Variants in ZNF423 observed in about 807,000 individuals in gnomAD.
The protein encoded by ZNF423 is zinc finger protein 423, also known as Ebf-associated zinc finger protein.
In ZNF423, 12 loss-of-function variants were observed where a neutral mutation model predicts 95.8. The ratio of observed to expected loss-of-function variants is 0.13; its 90% CI spans 0.08 to 0.20. The LOEUF is 0.20. Ranked by LOEUF, ZNF423 falls within the 10% of genes least tolerant of loss-of-function variation. ZNF423 has a pLI of 1.00. For synonymous variants in ZNF423, 749 were observed against 711.9 expected (o/e 1.05, Z -0.83); for missense variants, 1,316 against 1,737.1 (o/e 0.76, Z 4.31).
At chr16:49,749,007 C>T (rs1364293343) in intron 2 of ZNF423, among the ~76,000 whole-genome samples, 3 of 152,148 alleles carry the variant, frequency 2.0e-5, no homozygotes, top group African/African-American at 7.2e-5. Flanking sequence ...ATGGACAATG[C>T]GGTTTCTATG....
intron 4 of ZNF423, among the ~76,000 whole-genome samples, chr16:49,629,364 C>T (rs1017167939): frequency 3.9e-5 from 6 of 152,100 alleles, no homozygotes; most frequent in African/African-American, 1.4e-4. Context: ...GATTTTAAAT[C>T]CTACCATCTT....
rs557743589 is a variant in ZNF423 at position 49,489,977 on chromosome 16, C to A, written c.*1298G>T. Reference sequence around the variant, plus strand: ...AGAGGACACCCATTCCCAGCACTTGCAGGTGTAGGGGGGCCCTGAGAGCGA... The same window carrying A: ...AGAGGACACCCATTCCCAGCACTTGAAGGTGTAGGGGGGCCCTGAGAGCGA... On this transcript the variant is annotated 3_prime_UTR_variant, in exon 8 of 8. Coordinates refer to ENST00000563137, the MANE Select transcript of ZNF423 (RefSeq NM_001379286.1). The A allele has an allele frequency of 2.2e-4, 34 of 152,306 alleles. No homozygotes were observed. Among genetic ancestry groups the A allele is most frequent in the African/African-American group, 6.7e-4 (28 of 41,514 alleles). 9.4% of individuals were successfully genotyped at this position (152,306 alleles called of 1,614,324 possible). A position where few individuals can be genotyped will look rare whatever the true frequency, so the allele number is the denominator to read the frequency against.
At chr16:49,712,426 T>C (rs556590114) in intron 3 of ZNF423, among the ~76,000 whole-genome samples, 259 of 152,296 alleles carry the variant, frequency 1.7e-3, no homozygotes, top group Non-Finnish European at 2.7e-3. Flanking sequence ...AGAAAGAGAA[T>C]TTGATTTCGG....
intron 4 of ZNF423, among the ~76,000 whole-genome samples, chr16:49,628,199 C>G (rs549710613): frequency 6.6e-6 from 1 of 150,462 alleles, no homozygotes; most frequent in Non-Finnish European, 1.5e-5. Context: ...TCCATCCATC[C>G]TTCATCTACC....
intron 1 of ZNF423, among the ~76,000 whole-genome samples, chr16:49,812,972 T>C (rs1372530938): frequency 1.3e-5 from 2 of 152,106 alleles, no homozygotes; most frequent in Non-Finnish European, 1.5e-5. Context: ...AATTCGTGTG[T>C]TTAAAAGTGT....
At chr16:49,582,327 G>A (rs147968416) in intron 5 of ZNF423, among the ~76,000 whole-genome samples, 48 of 152,302 alleles carry the variant, frequency 3.2e-4, no homozygotes, top group African/African-American at 9.9e-4. Context: ...TTCAAAACCT[G>A]TTATAAAATG....
At chr16:49,851,526 T>G (rs1008999675) in intron 1 of ZNF423, among the ~76,000 whole-genome samples, 5 of 152,230 alleles carry the variant, frequency 3.3e-5, no homozygotes, top group Non-Finnish European at 2.9e-5. Flanking sequence ...CGTCTCCAGC[T>G]AGGAACGCTG....
At chr16:49,783,055 G>T (rs908374976) in intron 2 of ZNF423, among the ~76,000 whole-genome samples, 4 of 152,044 alleles carry the variant, frequency 2.6e-5, no homozygotes, top group Non-Finnish European at 4.4e-5. Context: ...TGGTCGTGTT[G>T]GTTCCCTGAA....
chr16:49,511,223 C>T (rs2151681176), intron 7 of ZNF423, among the ~76,000 whole-genome samples: 1 of 152,362 alleles, frequency 6.6e-6, no homozygotes, highest in South Asian at 2.1e-4. Context: ...TCACCCAGGG[C>T]TGTCCAGACC....
chr16:49,800,170 G>T lies in ZNF423; in HGVS notation c.41-10624C>A, dbSNP rs114240575. On this transcript the variant is annotated intron_variant, in intron 1 of 7. Transcript: ENST00000563137. ...GAGATATGAGATGCACTTGACCCTGGGAGGCAGGGGTTGCAGTGAGCAGAG... is the reference window on the plus strand; with the variant it reads ...GAGATATGAGATGCACTTGACCCTGTGAGGCAGGGGTTGCAGTGAGCAGAG... Among the ~76,000 whole-genome samples, 380 of 152,132 alleles carry T rather than the reference G, an allele frequency of 2.5e-3. 3 individuals are homozygous for T. Among genetic ancestry groups the T allele is most frequent in the African/African-American group, 8.1e-3 (335 of 41,484 alleles).
chr16:49,700,783 G>A lies in ZNF423; in HGVS notation c.301+29988C>T, dbSNP rs549660089. ...CCCCTCCTTGGGCCCCCTCTGCTGG[G>A]CCCACGGGACCACAGATGGTTGAAC... On this transcript the variant is annotated intron_variant, in intron 3 of 7. Transcript: ENST00000563137. 1.6e-4 allele frequency among the ~76,000 whole-genome samples: 24 copies of A among 152,280 alleles called. 1 individual carries two copies. Among genetic ancestry groups the A allele is most frequent in the African/African-American group, 5.8e-4 (24 of 41,576 alleles).
chr16:49,831,448 C>T (rs1236951692), intron 1 of ZNF423, among the ~76,000 whole-genome samples: 1 of 152,142 alleles, frequency 6.6e-6, no homozygotes, highest in Non-Finnish European at 1.5e-5. Context: ...TTTGTGACCT[C>T]GGGCAGCTGT....
chr16:49,547,866 C>T (rs1319479368), intron 5 of ZNF423, among the ~76,000 whole-genome samples: 1 of 152,166 alleles, frequency 6.6e-6, no homozygotes, highest in Non-Finnish European at 1.5e-5. Context: ...TTTTTTCACC[C>T]CACACAGAAT....
chr16:49,590,215 C>A (rs750699198), intron 5 of ZNF423, among the ~76,000 whole-genome samples: 1 of 151,776 alleles, frequency 6.6e-6, no homozygotes, highest in Admixed American at 6.6e-5. Context: ...TAACCTAATT[C>A]TCCTCCAACC....
intron 2 of ZNF423, among the ~76,000 whole-genome samples, chr16:49,739,643 A>G (rs1301954838): frequency 6.8e-6 from 1 of 147,802 alleles, no homozygotes; most frequent in Admixed American, 6.7e-5. Flanking sequence ...GATACCTACC[A>G]TTTCCAAAGT....
intron 5 of ZNF423, among the ~76,000 whole-genome samples, chr16:49,573,899 T>A (rs1252700484): frequency 2.0e-5 from 3 of 152,178 alleles, no homozygotes; most frequent in Non-Finnish European, 2.9e-5. Context: ...AATGAAGGAA[T>A]AGGACTAGAT....
intron 5 of ZNF423, among the ~76,000 whole-genome samples, chr16:49,579,101 C>T (rs1441975227): frequency 6.6e-6 from 1 of 152,154 alleles, no homozygotes; most frequent in Admixed American, 6.5e-5. Context: ...ATGGATTCAA[C>T]TAGTTGTTGC....
At chr16:49,830,015 C>T (rs2035045345) in intron 1 of ZNF423, among the ~76,000 whole-genome samples, 1 of 152,124 alleles carries the variant, frequency 6.6e-6, no homozygotes, top group Admixed American at 6.5e-5. Flanking sequence ...GACAGTCGAG[C>T]GGCCACTGAG....
intron 3 of ZNF423, among the ~76,000 whole-genome samples, chr16:49,668,159 T>C (rs748513153): frequency 6.6e-6 from 1 of 152,102 alleles, no homozygotes; most frequent in Non-Finnish European, 1.5e-5. Flanking sequence ...AGTGTGGCCC[T>C]TTTCCTTGCA....
Sources: allele counts gnomAD v4.1 joint callset (sites outside exome capture counted in the v4.1 genomes callset), GRCh38; gene constraint gnomAD v4.1.1; transcripts MANE v1.5; gene names NCBI Gene and HGNC (gene_info 2026-07-23, HGNC 2026-07-21).